ME3: variants seen among roughly 807,000 people sequenced by gnomAD.
ME3 encodes the protein NADP-dependent malic enzyme, mitochondrial.
Under a neutral mutation model 68.9 loss-of-function variants are expected in ME3, and 48 were observed. That is an observed-to-expected ratio of 0.70 (90% CI 0.55 to 0.89). The LOEUF (loss-of-function observed/expected upper bound fraction) is 0.89. Ranked by LOEUF, ME3 falls within the 40% of genes least tolerant of loss-of-function variation. The pLI is 0.00. For synonymous variants in ME3, 320 were observed against 318.8 expected, an observed-to-expected ratio of 1.00 and a Z score of -0.04; for missense variants, 675 against 797.4, an observed-to-expected ratio of 0.85 and a Z score of 1.85.
At chr11:86,571,801 AG>A (rs1249138434) in intron 2 of ME3, among the ~76,000 whole-genome samples, 1 of 152,210 alleles carries the variant, frequency 6.6e-6, no homozygotes, top group African/African-American at 2.4e-5. Flanking sequence ...CAGGGTAAAT[AG>A]GAGTTAGAGA....
At chr11:86,615,775 G>A (rs1565218735) in intron 2 of ME3, among the ~76,000 whole-genome samples, 1 of 152,148 alleles carries the variant, frequency 6.6e-6, no homozygotes, top group South Asian at 2.1e-4. Context: ...AGGGGTTGGG[G>A]CTGGGGGACA....
exon 14 of ME3, chr11:86,442,872 G>T: frequency 6.2e-7 from 1 of 1,613,618 alleles, no homozygotes; most frequent in Non-Finnish European, 8.5e-7. Flanking sequence ...GTGGTGGGTA[G>T]AGTCTCCCCT....
At chr11:86,457,599 G>T (rs1404000137) in intron 8 of ME3, 14 of 1,192,558 alleles carry the variant, frequency 1.2e-5, no homozygotes, top group Non-Finnish European at 1.5e-5. Flanking sequence ...CTGCATTTTT[G>T]GGGTGCTCTT....
chr11:86,463,293 G>A (rs75064711), intron 8 of ME3, among the ~76,000 whole-genome samples: 11,649 of 152,246 alleles, frequency 0.077, 498 homozygotes, highest in South Asian at 0.1. Context: ...TTGGCAGCCC[G>A]GTGGGCTCAG....
chr11:86,629,524 C>A (rs1324771310), intron 2 of ME3, among the ~76,000 whole-genome samples: 1 of 152,172 alleles, frequency 6.6e-6, no homozygotes, highest in Non-Finnish European at 1.5e-5. Flanking sequence ...GGTTACAACT[C>A]CCTTCATCAC....
At chr11:86,548,803 G>T (rs1013933452) in intron 4 of ME3, among the ~76,000 whole-genome samples, 1 of 152,134 alleles carries the variant, frequency 6.6e-6, no homozygotes. Context: ...CACGCTACTA[G>T]TTCATGACAG....
intron 6 of ME3, among the ~76,000 whole-genome samples, chr11:86,495,801 T>C (rs1952289087): frequency 2.0e-5 from 3 of 152,178 alleles, no homozygotes; most frequent in Admixed American, 2.0e-4. Context: ...GGTTGAAGGA[T>C]GCTTAGTAAC....
intron 2 of ME3, among the ~76,000 whole-genome samples, chr11:86,648,546 C>G (rs938839548): frequency 1.3e-5 from 2 of 151,218 alleles, no homozygotes; most frequent in Non-Finnish European, 2.9e-5. Flanking sequence ...ATCCAGGGAA[C>G]TGGTTCTTTG....
At chr11:86,589,269 A>G (rs1212951049) in intron 2 of ME3, among the ~76,000 whole-genome samples, 1 of 152,070 alleles carries the variant, frequency 6.6e-6, no homozygotes, top group Non-Finnish European at 1.5e-5. Flanking sequence ...AGGTTTCCTC[A>G]GGGCAGGTAC....
intron 8 of ME3, among the ~76,000 whole-genome samples, chr11:86,455,105 A>C (rs1949841818): frequency 6.6e-6 from 1 of 152,230 alleles, no homozygotes; most frequent in Non-Finnish European, 1.5e-5. Flanking sequence ...AACTGTTGGC[A>C]GTGTCACAGA....
chr11:86,445,798 A>C (rs1223708517), intron 13 of ME3, among the ~76,000 whole-genome samples: 1 of 152,134 alleles, frequency 6.6e-6, no homozygotes, highest in Non-Finnish European at 1.5e-5. Flanking sequence ...GTACATCTCC[A>C]ATACTTCATA....
chr11:86,669,081 A>G (rs574507621), intron 2 of ME3, among the ~76,000 whole-genome samples: 2 of 152,346 alleles, frequency 1.3e-5, no homozygotes, highest in Admixed American at 6.5e-5. Flanking sequence ...CAAGCCTTCC[A>G]TGGAGACTCT....
Position 86,603,166 on chromosome 11 carries a change from A to C in ME3, c.184-43343T>G, listed in dbSNP as rs549194603. On this transcript the variant is annotated intron_variant, in intron 2 of 14. Coordinates refer to ENST00000543262, the Ensembl canonical transcript of ME3. ...TACCATCAGAGTGAACAGGCAGCCTACAAAATGGGAGAAAATTTTCGCAAC... is the reference window on the plus strand; with the variant it reads ...TACCATCAGAGTGAACAGGCAGCCTCCAAAATGGGAGAAAATTTTCGCAAC... Among the ~76,000 whole-genome samples the C allele has an allele frequency of 2.6e-5, 4 of 152,340 alleles. No homozygotes were observed. In the South Asian group the frequency reaches 8.3e-4, roughly 32 times the overall value.
intron 2 of ME3, among the ~76,000 whole-genome samples, chr11:86,633,009 G>A (rs752179257): frequency 1.1e-4 from 16 of 152,176 alleles, no homozygotes; most frequent in Non-Finnish European, 1.5e-5. Flanking sequence ...CTGTGCCCAG[G>A]GACACAGAGT....
chr11:86,489,131 T>G (rs1951851987), intron 6 of ME3: 1 of 152,122 alleles, frequency 6.6e-6, no homozygotes, highest in Non-Finnish European at 1.5e-5. Context: ...AAATATAAGT[T>G]CCTAGAGAAC....
intron 4 of ME3, among the ~76,000 whole-genome samples, chr11:86,527,984 A>G (rs188411553): frequency 4.5e-4 from 68 of 152,256 alleles, no homozygotes; most frequent in African/African-American, 1.3e-3. Context: ...CATAATGACA[A>G]GATCAAATTC....
At chr11:86,631,547 T>A (rs1944016685) in intron 2 of ME3, among the ~76,000 whole-genome samples, 1 of 152,106 alleles carries the variant, frequency 6.6e-6, no homozygotes, top group Non-Finnish European at 1.5e-5. Context: ...AAAAAAAAAT[T>A]CCTTAGCTCC....
chr11:86,446,420 A>G (rs371878903), exon 13 of ME3: 27 of 1,614,104 alleles, frequency 1.7e-5, no homozygotes, highest in Non-Finnish European at 2.3e-5. Flanking sequence ...CTGCCCAGGA[A>G]TGAAGGTCTT....
intron 2 of ME3, among the ~76,000 whole-genome samples, chr11:86,585,605 T>A (rs1958686887): frequency 6.6e-6 from 1 of 152,184 alleles, no homozygotes; most frequent in East Asian, 1.9e-4. Flanking sequence ...TTATATACAT[T>A]GAGTTTTCCT....
Sources: allele counts gnomAD v4.1 joint callset (sites outside exome capture counted in the v4.1 genomes callset), GRCh38; gene constraint gnomAD v4.1.1; transcripts MANE v1.5; gene names NCBI Gene and HGNC (gene_info 2026-07-23, HGNC 2026-07-21).